Variants in CHEK1 observed in about 807,000 individuals in gnomAD.
The protein encoded by CHEK1 is serine/threonine-protein kinase Chk1.
In CHEK1, 32 loss-of-function variants were observed where a neutral mutation model predicts 60.2. That is an observed-to-expected ratio of 0.53 (90% CI 0.40 to 0.71). The LOEUF (loss-of-function observed/expected upper bound fraction) is 0.71, where lower values mean the gene tolerates loss of function less well. Among genes scored for constraint, CHEK1 ranks in the 30% least tolerant of loss-of-function variants. CHEK1 has a pLI of 0.00. For missense variants in CHEK1, 399 were observed against 564.6 expected, an observed-to-expected ratio of 0.71 and a Z score of 2.97; for synonymous variants, 179 against 187.2, an observed-to-expected ratio of 0.96 and a Z score of 0.36.
chr11:125,626,242 A>C, intron 1 of CHEK1: 1 of 573,864 alleles, frequency 1.7e-6, no homozygotes, highest in Admixed American at 3.0e-5. Flanking sequence ...AACCCCAAGG[A>C]AGAGTCCCAG....
At position 125,652,140 on chromosome 11, in the gene CHEK1, G is replaced by A. The variant is rs572513588; in HGVS notation, c.1234-1606G>A. 3.3e-5 allele frequency among the ~76,000 whole-genome samples: 5 copies of A among 152,218 alleles called. No homozygotes were observed. In the South Asian group the frequency reaches 1.0e-3, roughly 32 times the overall value. On this transcript the variant is annotated intron_variant, in intron 11 of 12. Transcript: ENST00000438015. ...TTATTACAAAAACTTTTGTAATTTG[G>A]GCTGTGTTTTTTGGGCAAATCTGCT... is the stretch of plus-strand genomic sequence containing the variant.
chr11:125,680,102 A>G (rs1460182099), downstream of CHEK1, among the ~76,000 whole-genome samples: 1 of 152,200 alleles, frequency 6.6e-6, no homozygotes, highest in Non-Finnish European at 1.5e-5. Flanking sequence ...AACAAAGCAA[A>G]AAGCAAAACC....
chr11:125,632,472 A>G (rs149738845), intron 5 of CHEK1, among the ~76,000 whole-genome samples: 8 of 152,220 alleles, frequency 5.3e-5, no homozygotes, highest in African/African-American at 1.9e-4. Context: ...ACAGTTTTCT[A>G]TTGTCAGTCT....
At chr11:125,629,050 C>T (rs915154482) in intron 3 of CHEK1, among the ~76,000 whole-genome samples, 182 bp from the exon 4 acceptor site, 6 of 152,156 alleles carry the variant, frequency 3.9e-5, no homozygotes, top group African/African-American at 1.4e-4. Context: ...CGCCTTTTGC[C>T]ACCTAACACA....
In CHEK1 at chr11:125,643,713, T is replaced by G. The variant is rs1209146458; in HGVS notation, c.815-79T>G. ...TAGATTTAGACATAGTTTTACTTCTTCAAGTTGCCAGTTGGGTTAATTTAA... is the reference window on the plus strand; with the variant it reads ...TAGATTTAGACATAGTTTTACTTCTGCAAGTTGCCAGTTGGGTTAATTTAA... On this transcript the variant is annotated intron_variant, in intron 8 of 12. Transcript: ENST00000438015. The G allele has an allele frequency of 1.3e-5, 14 of 1,063,148 alleles. No homozygotes were observed. In the East Asian group the frequency reaches 3.5e-4, roughly 26 times the overall value. The allele number at this position is 1,063,148 out of a possible 1,614,324, so 65.9% of individuals were successfully genotyped here. A position where few individuals can be genotyped will look rare whatever the true frequency, so the allele number is the denominator to read the frequency against.
chr11:125,637,418 TC>T, intron 7 of CHEK1, 30 bp from the exon 8 acceptor site: 1 of 1,567,232 alleles, frequency 6.4e-7, no homozygotes, highest in South Asian at 1.2e-5. Context: ...CATGATTCTT[TC>T]GTGAATGTTG....
chr11:125,666,584 G>A (rs1016066182), intron 13 of CHEK1, among the ~76,000 whole-genome samples: 1 of 152,162 alleles, frequency 6.6e-6, no homozygotes, highest in African/African-American at 2.4e-5. Flanking sequence ...CACTGCCAAA[G>A]TGGGTTGTTG....
chr11:125,645,500 C>T (rs1941468997), intron 11 of CHEK1, among the ~76,000 whole-genome samples: 1 of 152,058 alleles, frequency 6.6e-6, no homozygotes. Flanking sequence ...AGTGCAAGTG[C>T]AATGCATGAT....
intron 13 of CHEK1, among the ~76,000 whole-genome samples, chr11:125,667,768 A>T (rs1262342920): frequency 6.6e-6 from 1 of 152,010 alleles, no homozygotes; most frequent in Non-Finnish European, 1.5e-5. Context: ...TTACAGGTGC[A>T]TGCCACCACG....
rs190909922 is a variant in CHEK1, at chr11:125,652,130, T to C, written c.1234-1616T>C. Among the ~76,000 whole-genome samples the C allele has an allele frequency of 3.7e-4, 56 of 152,328 alleles. 1 individual carries two copies. The highest frequency in any genetic ancestry group is 2.0e-3 in the Admixed American group (30 of 15,302). ...GAAGTAAGAATTATTACAAAAACTT[T>C]TGTAATTTGGGCTGTGTTTTTTGGG... is the stretch of plus-strand genomic sequence containing the variant. On this transcript the variant is annotated intron_variant, in intron 11 of 12. Transcript: ENST00000438015.
At chr11:125,657,733 T>A (rs1300986207), downstream of CHEK1, among the ~76,000 whole-genome samples, 1 of 152,246 alleles carries the variant, frequency 6.6e-6, no homozygotes, top group African/African-American at 2.4e-5. Flanking sequence ...ATTCTGCTGC[T>A]AATTGATATT....
downstream of CHEK1, among the ~76,000 whole-genome samples, chr11:125,680,196 G>A (rs768054026): frequency 5.3e-5 from 8 of 152,218 alleles, no homozygotes; most frequent in African/African-American, 1.7e-4. Context: ...TAGGAGGCAG[G>A]AGGGAACACA....
intron 12 of CHEK1, 122 bp from the exon 13 acceptor site, chr11:125,655,103 G>T: frequency 1.5e-6 from 1 of 662,936 alleles, no homozygotes; most frequent in Admixed American, 3.0e-5. Context: ...AAAAGAAAAT[G>T]GTAGCTAGAC....
At position 125,668,796 on chromosome 11, in the gene CHEK1, A is replaced by T. The variant is rs972611697; in HGVS notation, c.*28-7132A>T. On this transcript the variant is annotated intron_variant, in intron 13 of 13. Transcript: ENST00000428830. ...GGTCTTGAACTTCAGGGCTTAAGCA[A>T]TCCTCCCATGTCAGCCTCCTAAAGT... Among the ~76,000 whole-genome samples the T allele has an allele frequency of 2.6e-5, 4 of 152,042 alleles. No homozygotes were observed. In the East Asian group the frequency reaches 7.7e-4, roughly 29 times the overall value.
downstream of CHEK1, among the ~76,000 whole-genome samples, chr11:125,658,785 G>A (rs996859157): frequency 7.0e-6 from 1 of 142,776 alleles, no homozygotes; most frequent in Non-Finnish European, 1.5e-5. Flanking sequence ...AGCCTCCCTG[G>A]CCCAAGTGAT....
intron 8 of CHEK1, among the ~76,000 whole-genome samples, chr11:125,638,731 A>C (rs1437069858): frequency 6.6e-6 from 1 of 151,928 alleles, no homozygotes; most frequent in Non-Finnish European, 1.5e-5. Flanking sequence ...TCTCCCCTCT[A>C]ACTTTTGAAC....
rs1158434447 is a variant in CHEK1 at position 125,633,259 on chromosome 11, T to C, written c.521T>C (p.Val174Ala). The C allele has an allele frequency of 6.2e-7, 1 of 1,608,240 alleles. No homozygotes were observed. Among genetic ancestry groups the C allele is most frequent in the Non-Finnish European group, 8.5e-7 (1 of 1,178,500 alleles). ...LNKMCGTLPY[V>A]APELLKRREF... is the part of the protein sequence containing the mutation. ...AAGATGTGTGGTACTTTACCATATG[T>C]TGCTCCAGAACTTCTGAAGAGAAGA... Residue 174 changes from valine to alanine, a missense_variant, in exon 6 of 13, where the codon GTT (valine) becomes GCT (alanine). Around this residue, in one of 2 missense-constraint regions of CHEK1, gnomAD observed 370 missense variants for 494.8 expected, o/e 0.75. Transcript: ENST00000438015.
intron 13 of CHEK1, among the ~76,000 whole-genome samples, chr11:125,662,752 A>G (rs901218549): frequency 1.1e-4 from 16 of 152,168 alleles, no homozygotes; most frequent in African/African-American, 3.4e-4. Context: ...CTGGAGTGGC[A>G]CTACTCAATT....
intron 11 of CHEK1, among the ~76,000 whole-genome samples, chr11:125,647,076 C>G (rs1167388654): frequency 6.6e-6 from 1 of 152,100 alleles, no homozygotes; most frequent in East Asian, 1.9e-4. Flanking sequence ...TTTATGCTTT[C>G]TTTTAGGAGT....
Sources: gnomAD v4.1 joint callset for allele counts (sites outside exome capture counted in the v4.1 genomes callset) on GRCh38, gnomAD v4.1.1 for gene constraint, gnomAD v4.1.1 regional missense constraint, MANE v1.5 for transcripts, NCBI Gene and HGNC (gene_info 2026-07-23, HGNC 2026-07-21) for gene names.